CCDC191: variants seen among roughly 807,000 people sequenced by gnomAD.
The protein encoded by CCDC191 is coiled-coil domain-containing protein 191.
A neutral mutation model predicts 114.0 loss-of-function variants in CCDC191; 99 were observed. The observed-to-expected ratio is 0.87, with a 90% CI of 0.74 to 1.03. The LOEUF (loss-of-function observed/expected upper bound fraction) is 1.03, where lower values mean the gene tolerates loss of function less well. CCDC191 is among the 50% of genes least tolerant of loss of function. CCDC191 has a pLI of 0.00. For synonymous variants in CCDC191, 351 were observed against 376.0 expected, an observed-to-expected ratio of 0.93 and a Z score of 0.77; for missense variants, 973 against 1,087.0, an observed-to-expected ratio of 0.90 and a Z score of 1.47.
rs181839940 is a variant in CCDC191, at chr3:114,025,120, C to T, written c.973-6252G>A. On this transcript the variant is annotated intron_variant, in intron 7 of 16. Transcript: ENST00000295878. ...TGGGTTCCATGGAAAAGCCTAGAGGCCTAAACTTTGACAACCACTGCCATG... is the reference window on the plus strand; with the variant it reads ...TGGGTTCCATGGAAAAGCCTAGAGGTCTAAACTTTGACAACCACTGCCATG... 1.5e-3 allele frequency among the ~76,000 whole-genome samples: 221 copies of T among 152,158 alleles called. 1 individual carries two copies. Among genetic ancestry groups the T allele is most frequent in the Non-Finnish European group, 2.5e-3 (173 of 67,980 alleles).
chr3:113,992,826 T>C (rs1304734177), intron 13 of CCDC191, among the ~76,000 whole-genome samples: 1 of 152,164 alleles, frequency 6.6e-6, no homozygotes, highest in African/African-American at 2.4e-5. Flanking sequence ...AGCATTCCCC[T>C]GATACTACAG....
At chr3:114,001,206 T>C (rs1352402626) in intron 13 of CCDC191, among the ~76,000 whole-genome samples, 2 of 152,232 alleles carry the variant, frequency 1.3e-5, no homozygotes, top group Admixed American at 1.3e-4. Flanking sequence ...GTGAACAACA[T>C]CAGACTGTTC....
At chr3:114,001,875 G>T in intron 12 of CCDC191, 179 bp from the exon 13 acceptor site, 1 of 657,568 alleles carries the variant, frequency 1.5e-6, no homozygotes, top group Non-Finnish European at 2.5e-6. Context: ...TAACTTAAAA[G>T]TTTCTCCAAA....
At chr3:113,994,632 G>A (rs964573724) in intron 13 of CCDC191, among the ~76,000 whole-genome samples, 10 of 149,180 alleles carry the variant, frequency 6.7e-5, no homozygotes, top group African/African-American at 2.5e-4. Flanking sequence ...CACTGAGGCT[G>A]GAGTGCAGTA....
At chr3:114,036,810 A>T in intron 4 of CCDC191, 24 bp from the exon 5 acceptor site, 1 of 1,483,200 alleles carries the variant, frequency 6.7e-7, no homozygotes, top group Non-Finnish European at 9.0e-7. Flanking sequence ...AACAACAAAA[A>T]AGGGAATTTT....
At chr3:113,977,459 A>C (rs1167124224) in intron 16 of CCDC191, among the ~76,000 whole-genome samples, 1 of 152,220 alleles carries the variant, frequency 6.6e-6, no homozygotes, top group Admixed American at 6.5e-5. Flanking sequence ...TAAAATTAGA[A>C]AACAAATATA....
At chr3:113,980,584 C>A (rs2075112774) in intron 14 of CCDC191, 66 bp downstream of exon 14, 2 of 1,427,820 alleles carry the variant, frequency 1.4e-6, no homozygotes, top group African/African-American at 1.5e-5. Flanking sequence ...CCAAGCTTAA[C>A]TGGGCATCCA....
intron 7 of CCDC191, among the ~76,000 whole-genome samples, chr3:114,029,538 C>G (rs1054936056): frequency 1.6e-4 from 25 of 152,202 alleles, no homozygotes; most frequent in African/African-American, 5.8e-4. Flanking sequence ...GCAAGAGCCA[C>G]CAATGGATGT....
At chr3:113,988,402 G>A (rs1255593579) in intron 13 of CCDC191, among the ~76,000 whole-genome samples, 1 of 152,014 alleles carries the variant, frequency 6.6e-6, no homozygotes, top group East Asian at 1.9e-4. Flanking sequence ...CAAGACGGGT[G>A]GATCACCTGA....
intron 7 of CCDC191, among the ~76,000 whole-genome samples, chr3:114,020,288 A>G (rs1360712932): frequency 6.6e-6 from 1 of 152,126 alleles, no homozygotes; most frequent in Admixed American, 6.5e-5. Flanking sequence ...GAAAAGACCA[A>G]TAACATAAGA....
chr3:113,994,541 T>C (rs956594333), intron 13 of CCDC191, among the ~76,000 whole-genome samples: 2 of 152,010 alleles, frequency 1.3e-5, no homozygotes, highest in African/African-American at 2.4e-5. Context: ...CATTCCTAGG[T>C]ATTTACCTAA....
In CCDC191 at chr3:114,035,051, A is replaced by G; in HGVS notation, c.692T>C (p.Val231Ala). Residue 231 changes from valine (V) to alanine (A), a missense_variant, in exon 6 of 17, where the codon GTG (valine) becomes GCG (alanine). Coordinates refer to ENST00000295878, the MANE Select transcript of CCDC191 (RefSeq NM_020817.2). ...KSAFLEAQCL[V>A]QEEKKRKALE... ...AGCCTTCCTTTTCTTCTCTTCTTGCACCAGACACTGAGCCTCCAAGAAGGC... is the reference window on the plus strand; with the variant it reads ...AGCCTTCCTTTTCTTCTCTTCTTGCGCCAGACACTGAGCCTCCAAGAAGGC... 6.2e-7 allele frequency: 1 copy of G among 1,613,932 alleles called. No homozygotes were observed. The highest frequency in any genetic ancestry group is 8.5e-7 in the Non-Finnish European group (1 of 1,179,972).
chr3:114,021,796 A>G (rs1309446050), intron 7 of CCDC191, among the ~76,000 whole-genome samples: 2 of 152,164 alleles, frequency 1.3e-5, no homozygotes, highest in Admixed American at 1.3e-4. Context: ...GTATGATTTA[A>G]AACCACAACT....
At chr3:114,053,794 C>A (rs1289325279) in intron 1 of CCDC191, among the ~76,000 whole-genome samples, 159 bp from the exon 2 acceptor site, 1 of 152,158 alleles carries the variant, frequency 6.6e-6, no homozygotes, top group Non-Finnish European at 1.5e-5. Context: ...ATAAAAGACA[C>A]AGAATAGCAG....
At chr3:113,976,735 G>T (rs1941386389) in intron 16 of CCDC191, among the ~76,000 whole-genome samples, 1 of 151,754 alleles carries the variant, frequency 6.6e-6, no homozygotes, top group African/African-American at 2.4e-5. Flanking sequence ...CAATCCATAA[G>T]ATAGATAGAT....
intron 11 of CCDC191, chr3:114,003,655 A>G (rs764891158): frequency 1.3e-5 from 13 of 985,416 alleles, no homozygotes; most frequent in Non-Finnish European, 1.4e-5. Context: ...TTAACTGGGT[A>G]TTTACTGACC....
intron 4 of CCDC191, among the ~76,000 whole-genome samples, chr3:114,041,872 C>T (rs2076566204): frequency 6.6e-6 from 1 of 151,872 alleles, no homozygotes; most frequent in Non-Finnish European, 1.5e-5. Flanking sequence ...CTGACGCTGG[C>T]TCTGTGCACA....
rs150832110 is a variant in CCDC191, at chr3:114,013,293, G to A, written c.1164-2272C>T. Among the ~76,000 whole-genome samples, 38 of 151,922 alleles carry A rather than the reference G, an allele frequency of 2.5e-4. No individual in the cohort carries two copies. The East Asian group carries it at 6.0e-3, about 24-fold the overall frequency. Reference sequence around the variant, plus strand: ...AAGAAAAAACAGAAAATGTAGTTACGATATCTGTATTTGTGGTTTGAGGCA... The same window carrying A: ...AAGAAAAAACAGAAAATGTAGTTACAATATCTGTATTTGTGGTTTGAGGCA... On this transcript the variant is annotated intron_variant, in intron 8 of 16. Transcript: ENST00000295878.
intron 13 of CCDC191, among the ~76,000 whole-genome samples, chr3:113,982,226 C>T (rs1306262553): frequency 6.6e-6 from 1 of 152,144 alleles, no homozygotes; most frequent in Non-Finnish European, 1.5e-5. Context: ...GAAAACCAGA[C>T]TTTTTCAAAG....
Sources: allele counts gnomAD v4.1 joint callset (sites outside exome capture counted in the v4.1 genomes callset), GRCh38; gene constraint gnomAD v4.1.1; transcripts MANE v1.5; gene names NCBI Gene and HGNC (gene_info 2026-07-23, HGNC 2026-07-21).